The following CSMD1 variants were observed in gnomAD, a reference collection of about 807,000 sequenced individuals.
The protein encoded by CSMD1 is CUB and sushi domain-containing protein 1.
In CSMD1, 213 loss-of-function variants were observed where a neutral mutation model predicts 417.5. That is an observed-to-expected ratio of 0.51 (90% CI 0.46 to 0.57). The LOEUF is 0.57. Ranked by LOEUF, CSMD1 falls within the 20% of genes least tolerant of loss-of-function variation. The probability of loss-of-function intolerance (pLI) is 0.00; values close to 1 mark genes in which losing one functional copy is unlikely to be tolerated. For missense variants in CSMD1, 6,923 were observed against 4,529.7 expected (o/e 1.53, Z -15.17); for synonymous variants, 2,862 against 1,736.8 (o/e 1.65, Z -16.11).
intron 5 of CSMD1, among the ~76,000 whole-genome samples, chr8:3,800,447 A>C (rs1476277736): frequency 6.6e-6 from 1 of 152,178 alleles, no homozygotes; most frequent in East Asian, 1.9e-4. Flanking sequence ...AATTCTACAA[A>C]AAGTGCTGGG....
intron 25 of CSMD1, among the ~76,000 whole-genome samples, chr8:3,307,456 G>C (rs1177223145): frequency 6.6e-6 from 1 of 152,132 alleles, no homozygotes; most frequent in African/African-American, 2.4e-5. Flanking sequence ...AGTTTGTTAT[G>C]CAGCAGAAGC....
intron 2 of CSMD1, among the ~76,000 whole-genome samples, chr8:4,456,319 T>TA (rs1024554025): frequency 8.5e-5 from 13 of 152,096 alleles, no homozygotes; most frequent in African/African-American, 2.7e-4. Context: ...ACAGCAGTAA[T>TA]AAAAAAATTA....
chr8:4,057,376 G>A (rs1440774235), intron 3 of CSMD1, among the ~76,000 whole-genome samples: 2 of 148,806 alleles, frequency 1.3e-5, no homozygotes, highest in Non-Finnish European at 3.0e-5. Context: ...TTTTTGATGG[G>A]GTTATTTGTT....
intron 21 of CSMD1, among the ~76,000 whole-genome samples, chr8:3,354,500 G>C (rs910543883): frequency 1.3e-5 from 2 of 152,114 alleles, no homozygotes; most frequent in African/African-American, 4.8e-5. Context: ...CAAGTTCATT[G>C]TGTTCTACGC....
chr8:4,905,710 C>T, intron 1 of CSMD1, among the ~76,000 whole-genome samples: 1 of 151,202 alleles, frequency 6.6e-6, no homozygotes, highest in Admixed American at 6.6e-5. Flanking sequence ...GTCCCAGCTC[C>T]TCGGGAGGCT....
rs537647590 is a variant in CSMD1, at chr8:2,998,001, C to G, written c.8377+10G>C. 38 of 1,611,492 alleles carry G rather than the reference C, an allele frequency of 2.4e-5. No homozygotes were observed. Among genetic ancestry groups the G allele is most frequent in the Non-Finnish European group, 3.1e-5 (37 of 1,178,630 alleles). ...AGAGCAAAGGGCTCATTCCTGGATG[C>G]TGTTCCTACCTCGACACGTGGGCAG... On this transcript the variant is annotated intron_variant, in intron 54 of 69. Transcript: ENST00000635120.
intron 5 of CSMD1, among the ~76,000 whole-genome samples, chr8:3,931,530 G>C (rs1038307676): frequency 5.3e-5 from 8 of 150,180 alleles, no homozygotes; most frequent in African/African-American, 2.0e-4. Flanking sequence ...TTGAATTACA[G>C]TAAATTTGTT....
At chr8:3,723,832 T>A (rs1563312156) in intron 6 of CSMD1, among the ~76,000 whole-genome samples, 1 of 152,198 alleles carries the variant, frequency 6.6e-6, no homozygotes, top group Non-Finnish European at 1.5e-5. Context: ...AAATCACGGA[T>A]GAGTAAAAAT....
chr8:4,189,152 T>A (rs942423996), intron 3 of CSMD1, among the ~76,000 whole-genome samples: 1 of 152,258 alleles, frequency 6.6e-6, no homozygotes, highest in African/African-American at 2.4e-5. Context: ...GAGTCATCTC[T>A]GAGTTCACAG....
intron 4 of CSMD1, among the ~76,000 whole-genome samples, chr8:4,006,903 C>T (rs535733624): frequency 1.4e-5 from 2 of 143,772 alleles, no homozygotes; most frequent in Non-Finnish European, 3.0e-5. Context: ...TCTCGGCTCA[C>T]TGCAAGCTCC....
chr8:3,516,118 G>C (rs889082918), intron 10 of CSMD1, among the ~76,000 whole-genome samples: 1 of 152,190 alleles, frequency 6.6e-6, no homozygotes, highest in Non-Finnish European at 1.5e-5. Context: ...CTCACAGAAA[G>C]AGGAGGAACA....
intron 3 of CSMD1, among the ~76,000 whole-genome samples, chr8:4,084,588 T>C (rs1040267035): frequency 2.0e-5 from 3 of 152,134 alleles, no homozygotes; most frequent in East Asian, 1.9e-4. Context: ...ATCAACCTTG[T>C]TGGGAGAGAG....
intron 5 of CSMD1, among the ~76,000 whole-genome samples, chr8:3,775,179 A>C (rs968575644): frequency 2.6e-5 from 4 of 152,226 alleles, no homozygotes; most frequent in African/African-American, 9.6e-5. Context: ...ATTTATACCA[A>C]ACTTAAGTCC....
At chr8:3,510,979 C>G (rs1797040457) in intron 10 of CSMD1, among the ~76,000 whole-genome samples, 1 of 151,660 alleles carries the variant, frequency 6.6e-6, no homozygotes, top group South Asian at 2.1e-4. Flanking sequence ...TGGAATGAAC[C>G]CAAAGGCCCA....
chr8:4,261,370 T>C (rs187093357), intron 3 of CSMD1, among the ~76,000 whole-genome samples: 43 of 152,118 alleles, frequency 2.8e-4, no homozygotes, highest in African/African-American at 9.6e-4. Flanking sequence ...TTCTCAGAAA[T>C]AGAGATTAGA....
intron 3 of CSMD1, among the ~76,000 whole-genome samples, chr8:4,046,455 C>G (rs1392042104): frequency 2.6e-5 from 4 of 152,180 alleles, no homozygotes; most frequent in African/African-American, 9.6e-5. Context: ...TTCACATAAA[C>G]AGCTCAAGCT....
chr8:3,901,054 A>G (rs948888213), intron 5 of CSMD1, among the ~76,000 whole-genome samples: 1 of 152,220 alleles, frequency 6.6e-6, no homozygotes, highest in Non-Finnish European at 1.5e-5. Context: ...GCTTTTAATA[A>G]CGATTTTGTA....
chr8:3,615,939 C>T (rs890573648), intron 8 of CSMD1, among the ~76,000 whole-genome samples: 3 of 152,148 alleles, frequency 2.0e-5, no homozygotes, highest in South Asian at 4.1e-4. Context: ...CTATTATAAT[C>T]ACTACTGTAT....
intron 19 of CSMD1, among the ~76,000 whole-genome samples, 195 bp downstream of exon 19, chr8:3,369,059 G>A (rs929912347): frequency 2.6e-5 from 4 of 152,144 alleles, no homozygotes; most frequent in Non-Finnish European, 5.9e-5. Flanking sequence ...GAGCAAAACG[G>A]GGAATGGTTT....
Sources: gnomAD v4.1 joint callset for allele counts (sites outside exome capture counted in the v4.1 genomes callset) on GRCh38, gnomAD v4.1.1 for gene constraint, MANE v1.5 for transcripts, NCBI Gene and HGNC (gene_info 2026-07-23, HGNC 2026-07-21) for gene names.